The following BCR variants were observed in gnomAD, a reference collection of about 807,000 sequenced individuals.
BCR encodes the protein breakpoint cluster region protein.
BCR carries 58 observed loss-of-function variants against 138.6 expected under a neutral mutation model. The ratio of observed to expected loss-of-function variants is 0.42; its 90% confidence interval spans 0.34 to 0.52. The LOEUF is 0.52. BCR is among the 20% of genes least tolerant of loss of function. The pLI, the probability that BCR is intolerant of heterozygous loss-of-function variation, is 0.06. For synonymous variants in BCR, 786 were observed against 730.1 expected (o/e 1.08, Z -1.23); for missense variants, 1,599 against 1,727.2 (o/e 0.93, Z 1.32).
At chr22:23,300,125 CT>C (rs1165028381) in intron 16 of BCR, among the ~76,000 whole-genome samples, 4 of 152,136 alleles carry the variant, frequency 2.6e-5, no homozygotes, top group Admixed American at 6.5e-5. Context: ...ATCTCCAGAA[CT>C]TTTTTTTCAT....
At chr22:23,299,154 A>T (rs891149027) in intron 16 of BCR, among the ~76,000 whole-genome samples, 2 of 151,196 alleles carry the variant, frequency 1.3e-5, no homozygotes, top group South Asian at 4.2e-4. Context: ...CCGCCACCAC[A>T]CCCAGCTAAT....
At chr22:23,249,116 CT>C (rs1368266084) in intron 1 of BCR, among the ~76,000 whole-genome samples, 3 of 151,914 alleles carry the variant, frequency 2.0e-5, no homozygotes, top group African/African-American at 7.3e-5. Context: ...AAGACTTTTT[CT>C]CAAAAAATGT....
intron 6 of BCR, among the ~76,000 whole-genome samples, chr22:23,272,474 A>G (rs986757185): frequency 5.9e-5 from 9 of 152,134 alleles, no homozygotes; most frequent in African/African-American, 1.9e-4. Context: ...ACTCACTGTC[A>G]TCATGGAGAA....
intron 16 of BCR, among the ~76,000 whole-genome samples, chr22:23,304,866 G>A (rs144825549): frequency 5.3e-5 from 8 of 152,204 alleles, no homozygotes; most frequent in African/African-American, 1.4e-4. Context: ...TGTAATCCCA[G>A]CACTTTAGGA....
At chr22:23,213,765 C>T (rs1472797342) in intron 1 of BCR, among the ~76,000 whole-genome samples, 2 of 151,100 alleles carry the variant, frequency 1.3e-5, no homozygotes. Flanking sequence ...CCCAGGAGTT[C>T]AAGGCTATAG....
Position 23,182,093 on chromosome 22 carries a change from T to G in BCR, c.1133T>G (p.Phe378Cys). The G allele has an allele frequency of 6.2e-7, 1 of 1,613,102 alleles. No homozygotes were observed. Among genetic ancestry groups the G allele is most frequent in the Non-Finnish European group, 8.5e-7 (1 of 1,180,006 alleles). The change falls in exon 1 of 23, where the codon TTC becomes TGC. Residue 378 changes from phenylalanine (F) to cysteine (C), a missense_variant. Phe to Cys is a radical substitution (Grantham distance 205, BLOSUM62 -2). Coordinates refer to ENST00000305877, the MANE Select transcript of BCR (RefSeq NM_004327.4). ...CCCTCGCAGAACTCGCAACAGTCCT[T>G]CGACAGCAGCAGTCCCCCCACGCCG... ...RSPSQNSQQSFDSSSPPTPQC... is the reference protein window; with the variant it reads ...RSPSQNSQQSCDSSSPPTPQC...
chr22:23,185,384 G>C (rs1276984767), intron 1 of BCR, among the ~76,000 whole-genome samples: 1 of 152,110 alleles, frequency 6.6e-6, no homozygotes, highest in African/African-American at 2.4e-5. Context: ...TGCAGAACCC[G>C]GCCGGGCGCG....
In BCR at chr22:23,314,570, A is replaced by G. The variant is rs55857020; in HGVS notation, c.3582A>G (p.Ala1194=). ...TCTACAGGGTGGCAGAGAAGGAGGC[A>G]GTCAATAAGATGTCCCTGCACAACC... is the stretch of plus-strand genomic sequence containing the variant. ...DHLKRVAEKE[A]VNKMSLHNLA... The change falls in exon 22 of 23, where the codon GCA becomes GCG. Residue 1194 remains alanine (A), a synonymous_variant. Transcript: ENST00000305877. 3.3e-5 allele frequency: 54 copies of G among 1,611,978 alleles called. No homozygotes were observed. The highest frequency in any genetic ancestry group is 4.1e-5 in the Non-Finnish European group (48 of 1,179,846).
intron 19 of BCR, 39 bp downstream of exon 19, chr22:23,311,875 G>T (rs1314103863): frequency 6.2e-7 from 1 of 1,606,734 alleles, no homozygotes; most frequent in Non-Finnish European, 8.5e-7. Context: ...GGAGGTGTGG[G>T]CAATGGTGTC....
At chr22:23,183,126 T>C (rs1352902312) in intron 1 of BCR, among the ~76,000 whole-genome samples, 1 of 152,192 alleles carries the variant, frequency 6.6e-6, no homozygotes, top group Non-Finnish European at 1.5e-5. Flanking sequence ...AACTATGGGA[T>C]TGTACGCCTA....
rs537794272 is a variant in BCR, at chr22:23,187,233, T to G, written c.1279+4994T>G. Among the ~76,000 whole-genome samples, 3 of 152,218 alleles carry G rather than the reference T, an allele frequency of 2.0e-5. No individual in the cohort carries two copies. In the East Asian group the frequency reaches 5.8e-4, roughly 29 times the overall value. ...CGGTCTTTTTCTCATTTCATCCCTG[T>G]AGTTTACTTTCTGAGGATCTTTTTT... On this transcript the variant is annotated intron_variant, in intron 1 of 22. Coordinates refer to ENST00000305877, the MANE Select transcript of BCR (RefSeq NM_004327.4).
At chr22:23,287,900 C>G (rs957346732) in intron 11 of BCR, among the ~76,000 whole-genome samples, 197 bp from the exon 12 acceptor site, 3 of 152,188 alleles carry the variant, frequency 2.0e-5, no homozygotes, top group African/African-American at 7.2e-5. Context: ...AGATGGTGTG[C>G]CAGAGGTGCT....
chr22:23,217,166 T>A, intron 1 of BCR: 1 of 290,950 alleles, frequency 3.4e-6, no homozygotes, highest in Non-Finnish European at 7.2e-6. Flanking sequence ...AGACCATTGG[T>A]AGAGGAGGTG....
intron 1 of BCR, among the ~76,000 whole-genome samples, chr22:23,240,688 A>G (rs1245349203): frequency 8.5e-5 from 13 of 152,060 alleles, no homozygotes; most frequent in Non-Finnish European, 1.5e-5. Context: ...AAGAAAATAT[A>G]CATAACATGT....
chr22:23,263,832 T>TGGCCAG, intron 4 of BCR: 1 of 1,110,880 alleles, frequency 9.0e-7, no homozygotes, highest in South Asian at 1.2e-5. Context: ...GGGGTAGTGT[T>TGGCCAG]TATACACCAT....
rs112466422 is a variant in BCR, at chr22:23,187,485, TTCTC to T, written c.1279+5258_1279+5261del. 5.3e-4 allele frequency among the ~76,000 whole-genome samples: 77 copies of T among 145,648 alleles called. 1 individual carries two copies. Among genetic ancestry groups the T allele is most frequent in the African/African-American group, 1.3e-3 (51 of 38,308 alleles). On this transcript the variant is annotated intron_variant, in intron 1 of 22. Transcript: ENST00000305877. ...GGACAGCAGACGTTTCTCCTTCTCT[TTCTC>T]TCTCTCTCTCTTTTTTTTTTTTTTA...
chr22:23,287,843 G>A (rs534726248), intron 11 of BCR, among the ~76,000 whole-genome samples: 1 of 152,298 alleles, frequency 6.6e-6, no homozygotes, highest in South Asian at 2.1e-4. Flanking sequence ...TCCCTAAGCT[G>A]TGCCCCTCTG....
rs79354239 is a variant in BCR, at chr22:23,226,761, G to A, written c.1280-27038G>A. On this transcript the variant is annotated intron_variant, in intron 1 of 22. Transcript: ENST00000305877. ...CAAAGCTGAAGATATTCATTAGCTG[G>A]CTCTTTCCAGGAAAAGTTTGACCCC... 1.1e-4 allele frequency among the ~76,000 whole-genome samples: 16 copies of A among 152,334 alleles called. 1 individual carries two copies. The East Asian group carries it at 1.9e-3, about 18-fold the overall frequency.
chr22:23,310,733 C>T (rs1238579052), intron 18 of BCR, among the ~76,000 whole-genome samples: 3 of 152,194 alleles, frequency 2.0e-5, no homozygotes, highest in African/African-American at 7.2e-5. Flanking sequence ...GGCCGTAACC[C>T]CTGCCCCTTT....
Sources: allele counts gnomAD v4.1 joint callset (sites outside exome capture counted in the v4.1 genomes callset), GRCh38; gene constraint gnomAD v4.1.1; transcripts MANE v1.5; gene names NCBI Gene and HGNC (gene_info 2026-07-23, HGNC 2026-07-21).